The following SH3RF3 variants were observed in gnomAD, a reference collection of about 807,000 sequenced individuals.
SH3RF3 encodes E3 ubiquitin-protein ligase SH3RF3.
A neutral mutation model predicts 66.3 loss-of-function variants in SH3RF3; 29 were observed. That is an observed-to-expected ratio of 0.44 (90% CI 0.33 to 0.60). The LOEUF is 0.60. Among genes scored for constraint, SH3RF3 ranks in the 20% least tolerant of loss-of-function variants. The pLI is 0.04. For synonymous variants in SH3RF3, 583 were observed against 532.0 expected (o/e 1.10, Z -1.32); for missense variants, 1,194 against 1,190.9 (o/e 1.00, Z -0.04).
chr2:109,307,236 C>A (rs1430304), intron 1 of SH3RF3, among the ~76,000 whole-genome samples: 47,216 of 152,012 alleles, frequency 0.31, 9,042 homozygotes, highest in African/African-American at 0.54. Flanking sequence ...CCTTTTTGCA[C>A]ATTGGACTTG....
intron 2 of SH3RF3, among the ~76,000 whole-genome samples, chr2:109,360,566 T>C (rs1683033548): frequency 6.6e-6 from 1 of 152,244 alleles, no homozygotes; most frequent in African/African-American, 2.4e-5. Flanking sequence ...TTCCAAAATC[T>C]GAAAACATCT....
At chr2:109,158,758 G>GT (rs1677414002) in intron 1 of SH3RF3, among the ~76,000 whole-genome samples, 2 of 152,226 alleles carry the variant, frequency 1.3e-5, no homozygotes, top group African/African-American at 4.8e-5. Flanking sequence ...GTTGCTAAGT[G>GT]TTTCTTTCAA....
intron 1 of SH3RF3, among the ~76,000 whole-genome samples, chr2:109,222,236 G>T (rs1191049820): frequency 6.6e-6 from 1 of 152,162 alleles, no homozygotes; most frequent in African/African-American, 2.4e-5. Context: ...TTGGTTAAGG[G>T]TATAAACATA....
chr2:109,320,728 C>A (rs1001906758), intron 1 of SH3RF3, among the ~76,000 whole-genome samples: 5 of 152,188 alleles, frequency 3.3e-5, no homozygotes, highest in Non-Finnish European at 7.3e-5. Flanking sequence ...GATGAACAGA[C>A]AAGTAAACAA....
intron 3 of SH3RF3, among the ~76,000 whole-genome samples, chr2:109,389,335 A>C (rs1267243209): frequency 6.6e-6 from 1 of 152,162 alleles, no homozygotes; most frequent in African/African-American, 2.4e-5. Context: ...TACTGGAGGC[A>C]ATGTCTGTCA....
chr2:109,219,629 A>G (rs1386825214), intron 1 of SH3RF3, among the ~76,000 whole-genome samples: 1 of 152,242 alleles, frequency 6.6e-6, no homozygotes, highest in Non-Finnish European at 1.5e-5. Context: ...TAAAGCTCAC[A>G]GTTCAGTTGT....
Position 109,258,080 on chromosome 2 carries a change from G to C in SH3RF3, c.574-89594G>C, listed in dbSNP as rs547039923. On this transcript the variant is annotated intron_variant, in intron 1 of 9. Coordinates refer to ENST00000309415, the MANE Select transcript of SH3RF3 (RefSeq NM_001099289.3). ...CAGCCCTGCCATCCCTGGGCTACCA[G>C]GCAGACTTTCTGATCTGGAGCTTAA... 5.3e-5 allele frequency among the ~76,000 whole-genome samples: 8 copies of C among 152,274 alleles called. No homozygotes were observed. In the East Asian group the frequency reaches 1.5e-3, roughly 29 times the overall value.
At chr2:109,285,855 G>A (rs1681018920) in intron 1 of SH3RF3, among the ~76,000 whole-genome samples, 1 of 152,190 alleles carries the variant, frequency 6.6e-6, no homozygotes, top group Admixed American at 6.5e-5. Flanking sequence ...GTGGCTCCAA[G>A]CCTGACCACT....
intron 1 of SH3RF3, among the ~76,000 whole-genome samples, chr2:109,208,327 C>G (rs1678889712): frequency 6.6e-6 from 1 of 152,342 alleles, no homozygotes; most frequent in Non-Finnish European, 1.5e-5. Flanking sequence ...AACCTGGGCT[C>G]CATGGCTGCT....
At chr2:109,233,116 T>C (rs1679553533) in intron 1 of SH3RF3, among the ~76,000 whole-genome samples, 1 of 152,218 alleles carries the variant, frequency 6.6e-6, no homozygotes, top group Non-Finnish European at 1.5e-5. Flanking sequence ...TTACAATTAA[T>C]GCTCCTTTAG....
At position 109,273,338 on chromosome 2, in the gene SH3RF3, C is replaced by T. The variant is rs1680671408; in HGVS notation, c.574-74336C>T. ...TTCCTGAGCTTGTCTGGAAGGAGTG[C>T]TTCCCTTGGTCATCCCAAGCTCCAT... On this transcript the variant is annotated intron_variant, in intron 1 of 9. Coordinates refer to ENST00000309415, the MANE Select transcript of SH3RF3 (RefSeq NM_001099289.3). 2.0e-5 allele frequency among the ~76,000 whole-genome samples: 3 copies of T among 152,340 alleles called. No individual in the cohort carries two copies. In the South Asian group the frequency reaches 6.2e-4, roughly 32 times the overall value.
At chr2:109,379,823 C>T (rs959572062) in intron 3 of SH3RF3, among the ~76,000 whole-genome samples, 10 of 151,990 alleles carry the variant, frequency 6.6e-5, no homozygotes, top group South Asian at 2.1e-4. Context: ...AAGCCAGAAG[C>T]GAGGACCAGA....
intron 1 of SH3RF3, among the ~76,000 whole-genome samples, chr2:109,135,192 G>A (rs950370366): frequency 6.6e-6 from 1 of 152,186 alleles, no homozygotes; most frequent in Non-Finnish European, 1.5e-5. Flanking sequence ...CGGTGACCCA[G>A]CCCCAACCCC....
intron 8 of SH3RF3, among the ~76,000 whole-genome samples, chr2:109,457,566 G>A (rs1253919816): frequency 6.6e-6 from 1 of 152,234 alleles, no homozygotes; most frequent in Non-Finnish European, 1.5e-5. Context: ...CACACGAGCT[G>A]AACAAGCAAG....
chr2:109,317,022 T>C (rs1574569542), intron 1 of SH3RF3, among the ~76,000 whole-genome samples: 1 of 152,172 alleles, frequency 6.6e-6, no homozygotes, highest in South Asian at 2.1e-4. Flanking sequence ...ATTGTCTGGG[T>C]GGACCCCAGT....
At chr2:109,285,068 C>T (rs1022702986) in intron 1 of SH3RF3, among the ~76,000 whole-genome samples, 1 of 152,238 alleles carries the variant, frequency 6.6e-6, no homozygotes, top group Non-Finnish European at 1.5e-5. Flanking sequence ...ACAGCCCTGT[C>T]CTGGAAGAGG....
At position 109,322,642 on chromosome 2, in the gene SH3RF3, C is replaced by G. The variant is rs139421483; in HGVS notation, c.574-25032C>G. On this transcript the variant is annotated intron_variant, in intron 1 of 9. Coordinates refer to ENST00000309415, the MANE Select transcript of SH3RF3 (RefSeq NM_001099289.3). ...CCAGTCAAATGTCAAAGGCTGGTCT[C>G]CAGCAGAAATAACCTTTTAAAAAGG... Among the ~76,000 whole-genome samples, 1,276 of 152,318 alleles carry G rather than the reference C, an allele frequency of 8.4e-3. 15 individuals are homozygous for G. The highest frequency in any genetic ancestry group is 0.044 in the East Asian group (227 of 5,192).
chr2:109,495,476 C>A (rs1679232965), intron 9 of SH3RF3, among the ~76,000 whole-genome samples: 1 of 107,808 alleles, frequency 9.3e-6, no homozygotes, highest in African/African-American at 4.0e-5. Flanking sequence ...ATCTTTCATT[C>A]CTTTTTTTTT....
chr2:109,170,166 G>A (rs531758047), intron 1 of SH3RF3, among the ~76,000 whole-genome samples: 7 of 151,920 alleles, frequency 4.6e-5, no homozygotes, highest in African/African-American at 1.7e-4. Flanking sequence ...TACCATCGTC[G>A]GCTCTTGTTT....
Sources: gnomAD v4.1 joint callset for allele counts (sites outside exome capture counted in the v4.1 genomes callset) on GRCh38, gnomAD v4.1.1 for gene constraint, MANE v1.5 for transcripts, NCBI Gene and HGNC (gene_info 2026-07-23, HGNC 2026-07-21) for gene names.